Variants in KIAA0930 observed in about 807,000 individuals in gnomAD.
KIAA0930 encodes the protein uncharacterized protein KIAA0930.
Under a neutral mutation model 43.9 loss-of-function variants are expected in KIAA0930, and 24 were observed. The observed-to-expected ratio is 0.55, with a 90% CI of 0.40 to 0.77. The LOEUF is 0.77. KIAA0930 is among the 30% of genes least tolerant of loss of function. The pLI is 0.00. For synonymous variants in KIAA0930, 259 were observed against 216.4 expected (o/e 1.20, Z -1.73); for missense variants, 461 against 574.2 (o/e 0.80, Z 2.02).
intron 2 of KIAA0930, among the ~76,000 whole-genome samples, chr22:45,209,415 G>C (rs1226332621): frequency 1.3e-5 from 2 of 152,174 alleles, no homozygotes; most frequent in African/African-American, 4.8e-5. Context: ...AAAATGCCAA[G>C]TTGGGGCAGC....
chr22:45,236,224 A>ACGCGGCAGGTGTTAGGCACCGGCT (rs1163457824), intron 1 of KIAA0930: 1 of 152,454 alleles, frequency 6.6e-6, no homozygotes, highest in African/African-American at 2.4e-5. Flanking sequence ...ACTGAAGGAA[A>ACGCGGCAGGTGTTAGGCACCGGCT]CGCGGCAGGT....
At position 45,217,360 on chromosome 22, in the gene KIAA0930, C is replaced by CA. The variant is rs58492110; in HGVS notation, c.65-5254dup. On this transcript the variant is annotated intron_variant, in intron 1 of 9. Coordinates refer to ENST00000336156, the MANE Select transcript of KIAA0930 (RefSeq NM_001009880.2). ...TGGGAGACAGAGCAAGACCCCGTCT[C>CA]AAAAAAAAAAAAAAAAAAAAAAAAA... Among the ~76,000 whole-genome samples the CA allele has an allele frequency of 1.7e-3, 114 of 68,730 alleles. 4 individuals are homozygous for CA. The highest frequency in any genetic ancestry group is 5.2e-3 in the East Asian group (11 of 2,120). The allele number at this position is 68,730 out of a possible 152,430, so 45.1% of individuals were successfully genotyped here. A position where few individuals can be genotyped will look rare whatever the true frequency, so the allele number is the denominator to read the frequency against.
intron 1 of KIAA0930, among the ~76,000 whole-genome samples, chr22:45,221,860 G>A (rs1396492990): frequency 1.3e-5 from 2 of 152,054 alleles, no homozygotes; most frequent in East Asian, 3.9e-4. Context: ...TCAGCCTCCT[G>A]AGTAGCTGGG....
At position 45,214,612 on chromosome 22, in the gene KIAA0930, A is replaced by G. The variant is rs529013448; in HGVS notation, c.65-2505T>C. Among the ~76,000 whole-genome samples the G allele has an allele frequency of 9.8e-5, 15 of 152,356 alleles. No homozygotes were observed. In the South Asian group the frequency reaches 3.1e-3, roughly 32 times the overall value. On this transcript the variant is annotated intron_variant, in intron 1 of 9. Transcript: ENST00000336156. ...GTTTCACAGGTGCGTATAACCATCA[A>G]AACTCATCAAACTTAGCCGGGTGAG...
At chr22:45,235,887 C>G (rs551074338) in intron 1 of KIAA0930, among the ~76,000 whole-genome samples, 2 of 152,240 alleles carry the variant, frequency 1.3e-5, no homozygotes, top group Non-Finnish European at 2.9e-5. Context: ...AAAGGCCCCC[C>G]GGCCCCCATC....
chr22:45,209,670 T>C (rs781518908), intron 2 of KIAA0930, among the ~76,000 whole-genome samples: 10 of 152,190 alleles, frequency 6.6e-5, no homozygotes, highest in Non-Finnish European at 1.3e-4. Flanking sequence ...TCCATAGCAC[T>C]GGCCATACCG....
At chr22:45,206,050 C>T (rs1398348702) in intron 2 of KIAA0930, 138 bp from the exon 3 acceptor site, 8 of 1,415,848 alleles carry the variant, frequency 5.7e-6, no homozygotes, top group Non-Finnish European at 7.6e-6. Context: ...GGGTCTCACA[C>T]CGCTGCCCAG....
intron 1 of KIAA0930, among the ~76,000 whole-genome samples, chr22:45,213,902 C>G (rs916938648): frequency 1.3e-5 from 2 of 152,008 alleles, no homozygotes; most frequent in Admixed American, 6.6e-5. Context: ...CCCAGCTACT[C>G]GAGAGGCTGA....
At chr22:45,233,128 G>A (rs1223360161) in intron 1 of KIAA0930, among the ~76,000 whole-genome samples, 5 of 152,004 alleles carry the variant, frequency 3.3e-5, no homozygotes, top group African/African-American at 1.2e-4. Flanking sequence ...GGGCAGGGGT[G>A]GTAAACAGAC....
chr22:45,231,959 A>G (rs540725040), intron 1 of KIAA0930, among the ~76,000 whole-genome samples: 1 of 152,276 alleles, frequency 6.6e-6, no homozygotes, highest in African/African-American at 2.4e-5. Flanking sequence ...CCACTGCACT[A>G]CAGCCTGGGT....
intron 1 of KIAA0930, among the ~76,000 whole-genome samples, chr22:45,219,933 AACAG>A (rs1269068911): frequency 2.6e-5 from 4 of 152,098 alleles, no homozygotes; most frequent in African/African-American, 9.7e-5. Flanking sequence ...ATTTTCAGGA[AACAG>A]ACAGCTAGCT....
intron 1 of KIAA0930, among the ~76,000 whole-genome samples, chr22:45,227,427 C>G (rs570832199): frequency 1.3e-5 from 2 of 152,060 alleles, no homozygotes; most frequent in East Asian, 3.9e-4. Context: ...CAGGCCCACC[C>G]AGGAAAAAAA....
chr22:45,215,761 G>C (rs1027413912), intron 1 of KIAA0930, among the ~76,000 whole-genome samples: 1 of 152,202 alleles, frequency 6.6e-6, no homozygotes, highest in African/African-American at 2.4e-5. Context: ...AAACAGACGA[G>C]AACGCTAGGA....
At chr22:45,238,192 T>C (rs1601830170) in intron 1 of KIAA0930, among the ~76,000 whole-genome samples, 2 of 151,752 alleles carry the variant, frequency 1.3e-5, no homozygotes, top group Non-Finnish European at 2.9e-5. Context: ...TCCCAAAGGG[T>C]TGGGATTACA....
chr22:45,228,891 A>AC (rs1491426278), intron 1 of KIAA0930, among the ~76,000 whole-genome samples: 1 of 1,892 alleles, frequency 5.3e-4, no homozygotes, highest in Non-Finnish European at 7.5e-4. Context: ...ATCCCTCCCC[A>AC]TCCCCCCAAC....
chr22:45,212,052 G>A lies in KIAA0930; in HGVS notation c.120C>T (p.Phe40=). The A allele has an allele frequency of 6.2e-7, 1 of 1,613,838 alleles. No individual in the cohort carries two copies. The highest frequency in any genetic ancestry group is 8.5e-7 in the Non-Finnish European group (1 of 1,179,924). ...VFWTWMFSTY[F]MEKWAPRQDD... ...CCTGCCGGGGAGCCCATTTCTCCAT[G>A]AAGTAGGTGGAGAACATCCAAGTCC... The change falls in exon 2 of 10, where the codon TTC becomes TTT. Residue 40 remains phenylalanine, a synonymous_variant. Coordinates refer to ENST00000336156, the MANE Select transcript of KIAA0930 (RefSeq NM_001009880.2).
intron 1 of KIAA0930, among the ~76,000 whole-genome samples, chr22:45,229,873 C>G (rs1044297454): frequency 3.3e-5 from 5 of 152,222 alleles, no homozygotes; most frequent in Non-Finnish European, 5.9e-5. Flanking sequence ...GCGGGTGGAT[C>G]ACCTGAGGTC....
rs750090936 is a variant in KIAA0930, at chr22:45,205,804, T to C, written c.325A>G (p.Ile109Val). 5 of 877,920 alleles carry C rather than the reference T, an allele frequency of 5.7e-6. No individual in the cohort carries two copies. Among genetic ancestry groups the C allele is most frequent in the South Asian group, 5.1e-5 (4 of 77,696 alleles). 54.4% of individuals were successfully genotyped at this position (877,920 alleles called of 1,614,324 possible). ...DWEESVCLNL[I>V]LQKLDYMVTC... ...ATCCCACCCCATACCTTCTGCAGGA[T>C]GAGATTCAGGCAGACGCTCTCCTCC... is the stretch of plus-strand genomic sequence containing the variant. Residue 109 changes from isoleucine to valine, a missense_variant, in exon 3 of 10, where the codon ATC (isoleucine) becomes GTC (valine). Coordinates refer to ENST00000336156, the MANE Select transcript of KIAA0930 (RefSeq NM_001009880.2).
chr22:45,205,075 G>A, intron 5 of KIAA0930, 142 bp downstream of exon 5: 1 of 669,776 alleles, frequency 1.5e-6, no homozygotes, highest in Non-Finnish European at 2.7e-6. Context: ...GGAAGAGAGA[G>A]AGCCACATCT....
Sources: allele counts gnomAD v4.1 joint callset (sites outside exome capture counted in the v4.1 genomes callset), GRCh38; gene constraint gnomAD v4.1.1; transcripts MANE v1.5; gene names NCBI Gene and HGNC (gene_info 2026-07-23, HGNC 2026-07-21).